TG: variants seen among roughly 807,000 people sequenced by gnomAD.
The protein encoded by TG is thyroglobulin, also known as thyroid hormones.
A neutral mutation model predicts 324.7 loss-of-function variants in TG; 270 were observed. That is an observed-to-expected ratio of 0.83 (90% CI 0.75 to 0.92). TG has a LOEUF of 0.92. Among genes scored for constraint, TG ranks in the 40% least tolerant of loss-of-function variants. The pLI is 0.00. For missense variants in TG, 3,591 were observed against 3,456.4 expected (o/e 1.04, Z -0.98); for synonymous variants, 1,401 against 1,327.0 (o/e 1.06, Z -1.21).
In TG at chr8:132,967,783, C is replaced by G. The variant is rs780145346; in HGVS notation, c.5687-11C>G. The G allele has an allele frequency of 3.1e-6, 5 of 1,613,408 alleles. No individual in the cohort carries two copies. Among genetic ancestry groups the G allele is most frequent in the Non-Finnish European group, 4.2e-6 (5 of 1,179,674 alleles). On this transcript the variant is annotated splice_polypyrimidine_tract_variant and intron_variant, in intron 30 of 47. Transcript: ENST00000220616. ...ACAAAAACTAAAATCACACTACTCT[C>G]TTGCCTGTAGGTTGTGTGCAGGAGC...
chr8:132,929,215 G>A, intron 23 of TG, 23 bp downstream of exon 23: 1 of 1,565,572 alleles, frequency 6.4e-7, no homozygotes, highest in Non-Finnish European at 8.8e-7. Context: ...GGGGAGATAT[G>A]CACTCAGAAG....
chr8:132,932,707 C>G (rs776318452), intron 23 of TG, among the ~76,000 whole-genome samples: 8 of 152,198 alleles, frequency 5.3e-5, no homozygotes, highest in Non-Finnish European at 1.0e-4. Flanking sequence ...CAGAAAGCAG[C>G]TGTGGTCCCT....
At chr8:133,076,343 C>G (rs1172833316) in intron 41 of TG, among the ~76,000 whole-genome samples, 1 of 152,270 alleles carries the variant, frequency 6.6e-6, no homozygotes, top group African/African-American at 2.4e-5. Context: ...TTGGAAACCT[C>G]ACTTGGGGTA....
At chr8:132,868,090 T>C in intron 1 of TG, 25 bp from the exon 2 acceptor site, 4 of 1,610,858 alleles carry the variant, frequency 2.5e-6, no homozygotes, top group Non-Finnish European at 3.4e-6. Context: ...CACTCTTCTT[T>C]GATGAACCAC....
chr8:132,903,091 G>A (rs1396977607), intron 16 of TG, among the ~76,000 whole-genome samples: 1 of 152,214 alleles, frequency 6.6e-6, no homozygotes, highest in Non-Finnish European at 1.5e-5. Context: ...CTGCTGTACA[G>A]CTGTGAGGGC....
chr8:132,967,827 C>T lies in TG; in HGVS notation c.5720C>T (p.Ala1907Val). 6.2e-7 allele frequency: 1 copy of T among 1,613,928 alleles called. No homozygotes were observed. Among genetic ancestry groups the T allele is most frequent in the South Asian group, 1.1e-5 (1 of 91,084 alleles). ...CVQEHSFCQL[A>V]EITESASLYF... ...CAGGAGCACTCTTTCTGTCAGCTCG[C>T]AGAGATAACAGAGAGTGCATCCTTG... Residue 1907 changes from alanine (A) to valine (V), a missense_variant, in exon 31 of 48, where the codon GCA (alanine) becomes GTA (valine). Coordinates refer to ENST00000220616, the MANE Select transcript of TG (RefSeq NM_003235.5).
chr8:132,994,636 T>C, intron 35 of TG: 1 of 1,267,428 alleles, frequency 7.9e-7, no homozygotes, highest in South Asian at 1.3e-5. Flanking sequence ...TATTCTCCCT[T>C]GTTGAGTGTG....
Position 132,893,916 on chromosome 8 carries a change from G to A in TG, c.2988G>A (p.Leu996=), listed in dbSNP as rs1043000885. ...FLRGSDYAIR[L]AAQSTLSFYQ... The stretch of plus-strand genomic sequence containing the variant: ...GTGGGAGTGATTACGCCATTCGCCT[G>A]GCGGCTCAGTCTAGTGAGTGTGGTG... Residue 996 remains leucine (L), a synonymous_variant, in exon 11 of 48, where the codon CTG becomes CTA. Coordinates refer to ENST00000220616, the MANE Select transcript of TG (RefSeq NM_003235.5). 3 of 1,613,928 alleles carry A rather than the reference G, an allele frequency of 1.9e-6. No homozygotes were observed. Among genetic ancestry groups the A allele is most frequent in the Non-Finnish European group, 2.5e-6 (3 of 1,179,962 alleles).
chr8:133,134,382 C>T (rs533870394), intron 47 of TG, among the ~76,000 whole-genome samples: 13 of 152,158 alleles, frequency 8.5e-5, no homozygotes, highest in Non-Finnish European at 1.5e-4. Flanking sequence ...GGGAGTAGTC[C>T]GTTAAACAGG....
intron 27 of TG, among the ~76,000 whole-genome samples, chr8:132,959,978 A>G (rs1564005462): frequency 6.6e-6 from 1 of 152,058 alleles, no homozygotes; most frequent in Non-Finnish European, 1.5e-5. Flanking sequence ...GAAACTAGGA[A>G]CCCATGACTG....
chr8:132,983,480 C>T (rs1215622978), intron 35 of TG, 68 bp downstream of exon 35: 3 of 1,498,052 alleles, frequency 2.0e-6, no homozygotes, highest in East Asian at 2.3e-5. Flanking sequence ...CTCCTCTTCC[C>T]CCTTGCTTTT....
chr8:133,124,262 C>T (rs78412210), intron 45 of TG, among the ~76,000 whole-genome samples: 2,577 of 152,284 alleles, frequency 0.017, 70 homozygotes, highest in African/African-American at 0.059. Context: ...CTTCTGAAGG[C>T]CTTGGCCTCC....
At chr8:133,121,070 C>T (rs542790262) in intron 45 of TG, among the ~76,000 whole-genome samples, 9 of 152,174 alleles carry the variant, frequency 5.9e-5, no homozygotes, top group African/African-American at 2.2e-4. Context: ...CATGCAGAGG[C>T]CCTCATAACT....
chr8:133,049,638 C>G (rs1564117356), intron 41 of TG: 1 of 457,040 alleles, frequency 2.2e-6, no homozygotes, highest in Non-Finnish European at 4.0e-6. Flanking sequence ...CAGCTGTTTA[C>G]CACTCTGTGC....
rs184309049 is a variant in TG, at chr8:132,888,088, C to T, written c.2281C>T (p.Pro761Ser). ...MLPTLSDTYI[P>S]QCSTDGQWRQ... The stretch of plus-strand genomic sequence containing the variant: ...ACCCACCCTTTCCGACACCTACATC[C>T]CACAGTGCAGCACCGATGGGCAGTG... Residue 761 changes from proline (P) to serine (S), a missense_variant, in exon 10 of 48, where the codon CCA becomes TCA. Physicochemically the swap from Pro to Ser is moderately conservative, Grantham distance 74 (BLOSUM62 -1). Transcript: ENST00000220616. 8.7e-6 allele frequency: 14 copies of T among 1,614,166 alleles called. No homozygotes were observed. In the East Asian group the frequency reaches 2.7e-4, roughly 31 times the overall value.
chr8:133,103,037 GT>G (rs1276790820), intron 43 of TG: 1 of 170,966 alleles, frequency 5.8e-6, no homozygotes, highest in Non-Finnish European at 1.3e-5. Context: ...GTATGCAGGA[GT>G]TTCCAGTGTG....
intron 16 of TG, among the ~76,000 whole-genome samples, chr8:132,904,939 T>A (rs75918265): frequency 0.021 from 3,233 of 152,214 alleles, 120 homozygotes; most frequent in African/African-American, 0.075. Context: ...GGGGTTCAAA[T>A]CCTGATTTTT....
intron 40 of TG, among the ~76,000 whole-genome samples, chr8:133,023,765 A>G (rs1362910010): frequency 6.6e-6 from 1 of 152,184 alleles, no homozygotes; most frequent in African/African-American, 2.4e-5. Context: ...GAGAGTTTCC[A>G]TATGTCGTCT....
intron 47 of TG, among the ~76,000 whole-genome samples, chr8:133,133,917 A>G (rs973885502): frequency 2.0e-5 from 3 of 152,206 alleles, no homozygotes; most frequent in Admixed American, 6.5e-5. Flanking sequence ...GAGAAGGTCT[A>G]TGGGGGGTAG....
Sources: allele counts gnomAD v4.1 joint callset (sites outside exome capture counted in the v4.1 genomes callset), GRCh38; gene constraint gnomAD v4.1.1; transcripts MANE v1.5; gene names NCBI Gene and HGNC (gene_info 2026-07-23, HGNC 2026-07-21).